DPP10: variants seen among roughly 807,000 people sequenced by gnomAD.
DPP10 encodes the protein inactive dipeptidyl peptidase 10.
In DPP10, 33 loss-of-function variants were observed where a neutral mutation model predicts 120.9. The observed-to-expected ratio is 0.27, with a 90% CI of 0.21 to 0.37. The LOEUF is 0.37. DPP10 is among the 10% of genes least tolerant of loss of function. The pLI, the probability that DPP10 is intolerant of heterozygous loss-of-function variation, is 1.00. For missense variants in DPP10, 816 were observed against 942.8 expected (o/e 0.87, Z 1.76); for synonymous variants, 337 against 326.1 (o/e 1.03, Z -0.36).
At chr2:115,485,514 ATGT>A (rs2075721303) in intron 3 of DPP10, among the ~76,000 whole-genome samples, 1 of 151,898 alleles carries the variant, frequency 6.6e-6, no homozygotes, top group Non-Finnish European at 1.5e-5. Flanking sequence ...ACTTCTTTTA[ATGT>A]TGTTTCTGTT....
At chr2:115,238,125 A>G (rs2058089795) in intron 1 of DPP10, among the ~76,000 whole-genome samples, 1 of 152,180 alleles carries the variant, frequency 6.6e-6, no homozygotes, top group African/African-American at 2.4e-5. Context: ...TTCAAAGGAC[A>G]GGCTGACTCT....
Position 115,834,729 on chromosome 2 carries a change from A to G in DPP10, c.1951-1428A>G, listed in dbSNP as rs139429496. ...TAGTTGTGTGGAATATAGAGAAGACAATTTTCTCCTTTACTCTTCATGAGT... is the reference window on the plus strand; with the variant it reads ...TAGTTGTGTGGAATATAGAGAAGACGATTTTCTCCTTTACTCTTCATGAGT... On this transcript the variant is annotated intron_variant, in intron 21 of 25. Transcript: ENST00000410059. Among the ~76,000 whole-genome samples the G allele has an allele frequency of 8.3e-3, 1,270 of 152,310 alleles. 18 individuals are homozygous for G. Among genetic ancestry groups the G allele is most frequent in the African/African-American group, 0.029 (1,208 of 41,578 alleles).
chr2:115,129,775 A>G (rs189602662), intron 1 of DPP10, among the ~76,000 whole-genome samples: 11 of 152,260 alleles, frequency 7.2e-5, no homozygotes, highest in Admixed American at 6.5e-5. Flanking sequence ...GCATCCCCTG[A>G]GAGTTTGATA....
At chr2:114,574,044 G>C (rs1439775949) in intron 1 of DPP10, among the ~76,000 whole-genome samples, 1 of 152,122 alleles carries the variant, frequency 6.6e-6, no homozygotes, top group East Asian at 1.9e-4. Context: ...AAGAAGTATG[G>C]CATTTTATTC....
At chr2:115,558,681 TA>T (rs892882201) in intron 5 of DPP10, among the ~76,000 whole-genome samples, 43 of 151,360 alleles carry the variant, frequency 2.8e-4, no homozygotes, top group Non-Finnish European at 3.5e-4. Flanking sequence ...GTTTTCATAC[TA>T]AAAAAAAATT....
At chr2:115,620,404 G>C (rs570902510) in intron 5 of DPP10, among the ~76,000 whole-genome samples, 5 of 152,308 alleles carry the variant, frequency 3.3e-5, no homozygotes, top group African/African-American at 1.2e-4. Flanking sequence ...TATAACATTA[G>C]TTCATCATTC....
At chr2:115,468,208 G>T in intron 3 of DPP10, 2 of 497,082 alleles carry the variant, frequency 4.0e-6, no homozygotes, top group South Asian at 1.5e-5. Flanking sequence ...TCCTAAATCT[G>T]AAGAGGACTC....
chr2:115,588,334 A>G (rs764441702), intron 5 of DPP10, among the ~76,000 whole-genome samples: 9 of 152,310 alleles, frequency 5.9e-5, no homozygotes, highest in East Asian at 1.9e-4. Flanking sequence ...TTCATATAGC[A>G]TATCTTTCCT....
intron 1 of DPP10, among the ~76,000 whole-genome samples, chr2:114,455,332 G>A (rs1029217971): frequency 2.6e-5 from 4 of 152,130 alleles, no homozygotes; most frequent in Admixed American, 6.5e-5. Context: ...GTTACCTGAT[G>A]TCAGGAGTTC....
chr2:115,085,615 T>C (rs920404972), intron 1 of DPP10, among the ~76,000 whole-genome samples: 7 of 152,210 alleles, frequency 4.6e-5, no homozygotes, highest in African/African-American at 7.2e-5. Context: ...TAGTGGCCAG[T>C]GCCACTAGAA....
At chr2:114,628,526 T>C (rs771773778) in intron 1 of DPP10, among the ~76,000 whole-genome samples, 40 of 152,288 alleles carry the variant, frequency 2.6e-4, no homozygotes, top group Non-Finnish European at 4.9e-4. Context: ...GCAATTCATC[T>C]AAAATAATTA....
rs555745136 is a variant in DPP10 at position 115,409,502 on chromosome 2, TA to T, written c.271+65596del. Among the ~76,000 whole-genome samples the T allele has an allele frequency of 2.9e-4, 44 of 152,244 alleles. 1 individual carries two copies. The East Asian group carries it at 7.3e-3, about 25-fold the overall frequency. On this transcript the variant is annotated intron_variant, in intron 3 of 25. Transcript: ENST00000410059. ...GCAAGAATGACCATAATTTAAAAAT[TA>T]AAAAATAATAGACATTGGCATAGAT...
chr2:115,250,130 CCTTATTTGAGAGTAT>C (rs2058693514), intron 1 of DPP10, among the ~76,000 whole-genome samples: 1 of 151,938 alleles, frequency 6.6e-6, no homozygotes, highest in Non-Finnish European at 1.5e-5. Context: ...TGGGACAGTT[CCTTATTTGAGAGTAT>C]ATCACATGTT....
At chr2:115,544,385 C>T (rs1282713264) in intron 5 of DPP10, among the ~76,000 whole-genome samples, 1 of 151,424 alleles carries the variant, frequency 6.6e-6, no homozygotes, top group Non-Finnish European at 1.5e-5. Flanking sequence ...CTTTTCATGC[C>T]GAGATCAATT....
At position 115,735,515 on chromosome 2, in the gene DPP10, A is replaced by C. The variant is rs115692123; in HGVS notation, c.698-4224A>C. ...TTCCTGCCAAATGTTACTCCTTTCC[A>C]TCCTTTTCTATTTTTTTTTTTCTTT... On this transcript the variant is annotated intron_variant, in intron 8 of 25. Coordinates refer to ENST00000410059, the MANE Select transcript of DPP10 (RefSeq NM_020868.6). 5.5e-3 allele frequency among the ~76,000 whole-genome samples: 820 copies of C among 148,852 alleles called. 15 individuals carry two copies. The highest frequency in any genetic ancestry group is 0.019 in the African/African-American group (783 of 40,830).
At chr2:114,928,940 C>A (rs369862526) in intron 1 of DPP10, among the ~76,000 whole-genome samples, 5 of 152,156 alleles carry the variant, frequency 3.3e-5, no homozygotes, top group African/African-American at 1.2e-4. Flanking sequence ...TCGGGGGAAC[C>A]AGCCCCCAAT....
chr2:115,110,427 G>T (rs188754321), intron 1 of DPP10, among the ~76,000 whole-genome samples: 1 of 152,276 alleles, frequency 6.6e-6, no homozygotes, highest in Non-Finnish European at 1.5e-5. Flanking sequence ...TTTCCCAGGA[G>T]AAGTGATCTA....
intron 1 of DPP10, among the ~76,000 whole-genome samples, chr2:114,996,442 G>T (rs1468352485): frequency 6.6e-6 from 1 of 152,016 alleles, no homozygotes; most frequent in Non-Finnish European, 1.5e-5. Context: ...ACTTTTTAAT[G>T]TTTTTCTTCT....
At chr2:115,482,629 A>C (rs865930076) in intron 3 of DPP10, among the ~76,000 whole-genome samples, 3 of 151,990 alleles carry the variant, frequency 2.0e-5, no homozygotes, top group Admixed American at 6.6e-5. Context: ...ATTATGCCAT[A>C]TGCAGCTCTT....
Sources: gnomAD v4.1 joint callset for allele counts (sites outside exome capture counted in the v4.1 genomes callset) on GRCh38, gnomAD v4.1.1 for gene constraint, MANE v1.5 for transcripts, NCBI Gene and HGNC (gene_info 2026-07-23, HGNC 2026-07-21) for gene names.